RERE: variants seen among roughly 807,000 people sequenced by gnomAD.
RERE encodes arginine-glutamic acid dipeptide repeats.
A neutral mutation model predicts 146.1 loss-of-function variants in RERE; 40 were observed. That is an observed-to-expected ratio of 0.27 (90% CI 0.21 to 0.36). RERE has a LOEUF of 0.36. RERE is among the 10% of genes least tolerant of loss of function. The pLI is 1.00. For missense variants in RERE, 1,933 were observed against 2,138.7 expected (o/e 0.90, Z 1.90); for synonymous variants, 1,003 against 866.0 (o/e 1.16, Z -2.78).
At chr1:8,440,802 C>G (rs1644237338) in intron 11 of RERE, among the ~76,000 whole-genome samples, 1 of 150,904 alleles carries the variant, frequency 6.6e-6, no homozygotes, top group Non-Finnish European at 1.5e-5. Flanking sequence ...GAGGCTGAGG[C>G]AGGAGAATCG....
rs758910221 is a variant in RERE at position 8,657,443 on chromosome 1, C to T, written c.-144-1002G>A. 2.3e-4 allele frequency among the ~76,000 whole-genome samples: 35 copies of T among 152,228 alleles called. 1 individual carries two copies. Among genetic ancestry groups the T allele is most frequent in the Admixed American group, 3.9e-4 (6 of 15,294 alleles). ...TCAAGAATAAAAATAATATTTAACT[C>T]AAACGAAAGTGAGAGCTTCAGAGCA... is the stretch of plus-strand genomic sequence containing the variant. On this transcript the variant is annotated intron_variant, in intron 1 of 22. Coordinates refer to ENST00000400908, the MANE Select transcript of RERE (RefSeq NM_001042681.2).
intron 2 of RERE, among the ~76,000 whole-genome samples, chr1:8,644,743 A>G (rs2124296770): frequency 6.6e-6 from 1 of 152,244 alleles, no homozygotes; most frequent in South Asian, 2.1e-4. Flanking sequence ...TGATCCTGCC[A>G]ACTCAGTCTC....
At chr1:8,357,308 C>T (rs1641333502) in intron 20 of RERE, among the ~76,000 whole-genome samples, 1 of 152,250 alleles carries the variant, frequency 6.6e-6, no homozygotes. Context: ...AAGGTCTACA[C>T]CAGGTGCCAA....
chr1:8,423,514 ACCCCTCCCCGCCCCGGTGGGGGCAG>A lies in RERE; in HGVS notation c.1204-732_1204-708del. On this transcript the variant is annotated intron_variant, in intron 11 of 22. Transcript: ENST00000400908. The surrounding 1 kb of genome is among the most constrained non-coding windows in gnomAD (Gnocchi z 5.4). ...TCACTTTGTCCCATGCCTCCCGAGC[ACCCCTCCCCGCCCCGGTGGGGGCAG>A]CTCCTGGCTCCGAGCCCCCACCTCG... The A allele has an allele frequency of 1.0e-6, 1 of 980,674 alleles. No individual in the cohort carries two copies. Among genetic ancestry groups the A allele is most frequent in the Non-Finnish European group, 1.2e-6 (1 of 826,518 alleles). The allele number at this position is 980,674 out of a possible 1,614,324, so 60.7% of individuals were successfully genotyped here. A position where few individuals can be genotyped will look rare whatever the true frequency, so the allele number is the denominator to read the frequency against.
intron 1 of RERE, among the ~76,000 whole-genome samples, chr1:8,809,448 C>T (rs1569844074): frequency 6.6e-6 from 1 of 152,168 alleles, no homozygotes; most frequent in African/African-American, 2.4e-5. Context: ...AATAATGTTA[C>T]TACAAGAGAC....
At chr1:8,391,313 T>G (rs1480211564) in intron 12 of RERE, among the ~76,000 whole-genome samples, 1 of 152,208 alleles carries the variant, frequency 6.6e-6, no homozygotes, top group African/African-American at 2.4e-5. Context: ...AATGAACCGA[T>G]GTATGTAAAG....
intron 1 of RERE, among the ~76,000 whole-genome samples, chr1:8,674,851 T>C (rs956681027): frequency 6.6e-6 from 1 of 152,146 alleles, no homozygotes; most frequent in Non-Finnish European, 1.5e-5. Context: ...ACTGAAGAAC[T>C]CTAGTCTCTA....
At chr1:8,681,786 A>G (rs1385622515) in intron 1 of RERE, among the ~76,000 whole-genome samples, 2 of 152,252 alleles carry the variant, frequency 1.3e-5, no homozygotes, top group Non-Finnish European at 2.9e-5. Context: ...TCCCAGTAGA[A>G]ATAAAGAAGT....
chr1:8,485,796 CTTTTTTT>C (rs58295004), intron 10 of RERE, among the ~76,000 whole-genome samples: 1 of 117,856 alleles, frequency 8.5e-6, no homozygotes. Context: ...TCTACAATCA[CTTTTTTT>C]TTTTTTTTTT....
chr1:8,565,804 A>C (rs1466737718), intron 4 of RERE, among the ~76,000 whole-genome samples: 1 of 152,216 alleles, frequency 6.6e-6, no homozygotes, highest in African/African-American at 2.4e-5. Flanking sequence ...AAACGCCAGG[A>C]AAGAGGTATA....
chr1:8,424,247 C>T (rs1203770674), intron 11 of RERE: 5 of 152,242 alleles, frequency 3.3e-5, no homozygotes, highest in Non-Finnish European at 7.3e-5. Flanking sequence ...GCCTGCACTT[C>T]CCCGGCCGCC....
intron 7 of RERE, among the ~76,000 whole-genome samples, chr1:8,538,346 C>T (rs1357753462): frequency 6.6e-6 from 1 of 152,210 alleles, no homozygotes; most frequent in Non-Finnish European, 1.5e-5. Context: ...GCTTATCATA[C>T]AGCCTCCTCC....
intron 12 of RERE, among the ~76,000 whole-genome samples, chr1:8,418,078 G>A (rs1327981823): frequency 6.6e-6 from 1 of 152,180 alleles, no homozygotes; most frequent in Non-Finnish European, 1.5e-5. Flanking sequence ...TACCAAGTAT[G>A]GCAGGTATGT....
At position 8,360,807 on chromosome 1, in the gene RERE, C is replaced by A; in HGVS notation, c.2700G>T (p.Leu900=). 1.9e-6 allele frequency: 3 copies of A among 1,572,356 alleles called. No individual in the cohort carries two copies. Among genetic ancestry groups the A allele is most frequent in the Non-Finnish European group, 1.7e-6 (2 of 1,164,862 alleles). ...AAAYPHTSLQ[L]PASQSALQSQ... ...ACTGCAGCGCTGACTGAGAGGCTGG[C>A]AGCTGCAGGGAGGTGTGAGGGTACG... Residue 900 remains leucine, a synonymous_variant, in exon 18 of 23, where the codon CTG becomes CTT. Coordinates refer to ENST00000400908, the MANE Select transcript of RERE (RefSeq NM_001042681.2).
In RERE at chr1:8,465,976, C is replaced by T. The variant is rs1644591078; in HGVS notation, c.1152G>A (p.Val384=). 1 of 1,614,110 alleles carries T rather than the reference C, an allele frequency of 6.2e-7. No homozygotes were observed. Among genetic ancestry groups the T allele is most frequent in the Non-Finnish European group, 8.5e-7 (1 of 1,179,964 alleles). Residue 384 remains valine, a synonymous_variant, in exon 11 of 23, where the codon GTG becomes GTA. Transcript: ENST00000400908. ...CGATGAGCTTGGGCACAGGCTTCTT[C>T]ACCAGGCGCTGCAGGGCTTTGCCAG... is the stretch of plus-strand genomic sequence containing the variant. The part of the protein sequence containing the change: ...YDAGKALQRL[V]KKPVPKLIEK...
intron 6 of RERE, among the ~76,000 whole-genome samples, chr1:8,555,866 T>C (rs1570433454): frequency 6.6e-6 from 1 of 152,332 alleles, no homozygotes; most frequent in East Asian, 1.9e-4. Flanking sequence ...GAATGAAATC[T>C]TCAATATCTT....
intron 1 of RERE, among the ~76,000 whole-genome samples, chr1:8,698,340 C>T (rs1291095260): frequency 2.0e-5 from 3 of 152,226 alleles, no homozygotes; most frequent in Admixed American, 2.0e-4. Flanking sequence ...ACACAAGTCA[C>T]TACTGCTGAA....
intron 1 of RERE, among the ~76,000 whole-genome samples, chr1:8,729,817 G>A (rs1640046286): frequency 1.3e-5 from 2 of 152,146 alleles, no homozygotes; most frequent in African/African-American, 4.8e-5. Context: ...GGGAACTCAT[G>A]GGAAGAAAGA....
At chr1:8,436,776 AAGTT>A (rs1374542567) in intron 11 of RERE, among the ~76,000 whole-genome samples, 8 of 152,228 alleles carry the variant, frequency 5.3e-5, no homozygotes, top group Admixed American at 3.3e-4. Context: ...ATCAATATAA[AAGTT>A]AGTAATGAAA....
Sources: allele counts gnomAD v4.1 joint callset (sites outside exome capture counted in the v4.1 genomes callset), GRCh38; gene constraint gnomAD v4.1.1; non-coding constraint Gnocchi (gnomAD v3.1); transcripts MANE v1.5; gene names NCBI Gene and HGNC (gene_info 2026-07-23, HGNC 2026-07-21).